ZNF679: variants seen among roughly 807,000 people sequenced by gnomAD.
ZNF679 encodes the protein zinc finger protein 679.
A neutral mutation model predicts 13.4 loss-of-function variants in ZNF679; 10 were observed. That is an observed-to-expected ratio of 0.75 (90% confidence interval 0.46 to 1.27). The LOEUF is 1.27. ZNF679 is among the 50% of genes most tolerant of loss of function. ZNF679 has a pLI of 0.00. For missense variants in ZNF679, 525 were observed against 477.8 expected, an observed-to-expected ratio of 1.10 and a Z score of -0.92; for synonymous variants, 179 against 162.5, an observed-to-expected ratio of 1.10 and a Z score of -0.77.
intron 1 of ZNF679, among the ~76,000 whole-genome samples, chr7:64,239,476 A>G (rs935906469): frequency 2.0e-5 from 3 of 152,266 alleles, no homozygotes; most frequent in Middle Eastern, 3.4e-3. Flanking sequence ...TCTACCTAGA[A>G]CCTTAGTAAT....
At chr7:64,231,146 C>T (rs1014888317) in intron 1 of ZNF679, among the ~76,000 whole-genome samples, 1 of 152,136 alleles carries the variant, frequency 6.6e-6, no homozygotes, top group Non-Finnish European at 1.5e-5. Context: ...TAATCTCTGA[C>T]CTTACTACAA....
In ZNF679 at chr7:64,266,518, A is replaced by C. The variant is rs535919936; in HGVS notation, c.885A>C (p.Pro295=). 4 of 1,609,582 alleles carry C rather than the reference A, an allele frequency of 2.5e-6. No homozygotes were observed. Among genetic ancestry groups the C allele is most frequent in the East Asian group, 2.2e-5 (1 of 44,630 alleles). The change falls in exon 5 of 5, where the codon CCA becomes CCC. Residue 295 remains proline, a synonymous_variant. Transcript: ENST00000421025. ...AGAGAATTCATACTGGAGAGAAACC[A>C]TACACATGTGAAGAATGTGGCAAAG... ...NHKRIHTGEK[P]YTCEECGKAF... is the part of the protein sequence containing the mutation.
chr7:64,237,184 G>T (rs1787738857), intron 1 of ZNF679, among the ~76,000 whole-genome samples: 1 of 152,138 alleles, frequency 6.6e-6, no homozygotes, highest in Non-Finnish European at 1.5e-5. Context: ...CGGGTCACTG[G>T]TGCAGATTCA....
chr7:64,236,976 A>AGAAAG (rs779698281), intron 1 of ZNF679, among the ~76,000 whole-genome samples: 2 of 4,884 alleles, frequency 4.1e-4, no homozygotes, highest in African/African-American at 1.5e-3. Context: ...AAAGAAAGAA[A>AGAAAG]AAGAAAGAAA....
intron 1 of ZNF679, among the ~76,000 whole-genome samples, chr7:64,233,009 G>A (rs1196530428): frequency 6.6e-6 from 1 of 152,180 alleles, no homozygotes; most frequent in Admixed American, 6.5e-5. Context: ...GGGATGCTGA[G>A]GCAGGCAGAT....
At chr7:64,259,952 G>T (rs1446986805) in intron 2 of ZNF679, among the ~76,000 whole-genome samples, 1 of 151,630 alleles carries the variant, frequency 6.6e-6, no homozygotes, top group Non-Finnish European at 1.5e-5. Flanking sequence ...AAAGAAAAAA[G>T]AAAAGAAAAA....
At chr7:64,240,951 T>A (rs1338767498) in intron 1 of ZNF679, among the ~76,000 whole-genome samples, 1 of 152,204 alleles carries the variant, frequency 6.6e-6, no homozygotes, top group Non-Finnish European at 1.5e-5. Flanking sequence ...CAGGACTTGG[T>A]GTTATCATCT....
At chr7:64,260,608 C>T (rs907234939) in intron 3 of ZNF679, among the ~76,000 whole-genome samples, 1 of 152,084 alleles carries the variant, frequency 6.6e-6, no homozygotes, top group African/African-American at 2.4e-5. Flanking sequence ...GTTGCCCACA[C>T]CTTAGAATTC....
At chr7:64,229,295 C>T (rs960031364) in intron 1 of ZNF679, among the ~76,000 whole-genome samples, 2 of 151,968 alleles carry the variant, frequency 1.3e-5, no homozygotes, top group African/African-American at 4.8e-5. Flanking sequence ...TTTTTTGTGA[C>T]CTTTGTACAG....
At chr7:64,232,754 T>C (rs1295074225) in intron 1 of ZNF679, among the ~76,000 whole-genome samples, 1 of 152,152 alleles carries the variant, frequency 6.6e-6, no homozygotes, top group Non-Finnish European at 1.5e-5. Context: ...GCCTAGATAA[T>C]GGGCCTGGTG....
At chr7:64,236,975 A>AAGAAAGAAAGAAAGAAAGAAAGAG (rs201487010) in intron 1 of ZNF679, among the ~76,000 whole-genome samples, 8 of 16,262 alleles carry the variant, frequency 4.9e-4, no homozygotes, top group Admixed American at 8.0e-4. Context: ...GAAAGAAAGA[A>AAGAAAGAAAGAAAGAAAGAAAGAG]AAAGAAAGAA....
intron 3 of ZNF679, 115 bp downstream of exon 3, chr7:64,260,462 A>G: frequency 6.8e-7 from 1 of 1,463,452 alleles, no homozygotes; most frequent in Non-Finnish European, 9.1e-7. Flanking sequence ...ATTTGAAGAA[A>G]ATCTTGGGGA....
intron 2 of ZNF679, among the ~76,000 whole-genome samples, chr7:64,257,027 C>T (rs1299944303): frequency 6.6e-6 from 1 of 152,046 alleles, no homozygotes; most frequent in Non-Finnish European, 1.5e-5. Flanking sequence ...TTATGTCTCA[C>T]CTTCTTAATT....
chr7:64,248,089 A>T (rs1349793983), intron 1 of ZNF679, among the ~76,000 whole-genome samples: 2 of 152,004 alleles, frequency 1.3e-5, no homozygotes, highest in Non-Finnish European at 2.9e-5. Flanking sequence ...ACCTACAATC[A>T]TGACCATGAC....
At chr7:64,230,749 TA>T (rs1241228454) in intron 1 of ZNF679, among the ~76,000 whole-genome samples, 4 of 152,138 alleles carry the variant, frequency 2.6e-5, no homozygotes, top group Admixed American at 2.0e-4. Flanking sequence ...CAACACCAGG[TA>T]TGGGAGTAAA....
intron 4 of ZNF679, among the ~76,000 whole-genome samples, chr7:64,263,368 C>T (rs1467066940): frequency 6.6e-6 from 1 of 152,102 alleles, no homozygotes; most frequent in African/African-American, 2.4e-5. Flanking sequence ...TGAGAGTACA[C>T]CTGTGAGCCA....
chr7:64,230,296 G>A (rs1490699628), intron 1 of ZNF679, among the ~76,000 whole-genome samples: 1 of 152,156 alleles, frequency 6.6e-6, no homozygotes, highest in Admixed American at 6.5e-5. Flanking sequence ...CACTTTGGGA[G>A]GCCGAGGCGG....
chr7:64,250,292 C>T (rs1453845378), intron 2 of ZNF679, among the ~76,000 whole-genome samples: 2 of 85,582 alleles, frequency 2.3e-5, no homozygotes, highest in Admixed American at 3.7e-4. Context: ...TTTTTTGAGA[C>T]AGATTCTTGC....
intron 1 of ZNF679, among the ~76,000 whole-genome samples, chr7:64,235,388 C>T (rs968497530): frequency 3.3e-5 from 5 of 150,532 alleles, no homozygotes; most frequent in African/African-American, 1.2e-4. Flanking sequence ...ATTTATAGTG[C>T]TATATTGCTA....
Sources: allele counts gnomAD v4.1 joint callset (sites outside exome capture counted in the v4.1 genomes callset), GRCh38; gene constraint gnomAD v4.1.1; transcripts MANE v1.5; gene names NCBI Gene and HGNC (gene_info 2026-07-23, HGNC 2026-07-21).